EOGT: variants seen among roughly 807,000 people sequenced by gnomAD.
EOGT encodes EGF domain specific O-linked N-acetylglucosamine transferase, also known as EGF domain-specific O-linked N-acetylglucosamine transferase.
Under a neutral mutation model 70.5 loss-of-function variants are expected in EOGT, and 55 were observed. The ratio of observed to expected loss-of-function variants is 0.78; its 90% confidence interval spans 0.63 to 0.98. EOGT has a LOEUF of 0.98. Among genes scored for constraint, EOGT ranks in the 50% least tolerant of loss-of-function variants. The pLI is 0.00. For missense variants in EOGT, 703 were observed against 641.9 expected, an observed-to-expected ratio of 1.10 and a Z score of -1.03; for synonymous variants, 246 against 217.1, an observed-to-expected ratio of 1.13 and a Z score of -1.17.
intron 13 of EOGT, 168 bp from the exon 14 acceptor site, chr3:68,987,681 T>C (rs1281653796): frequency 3.3e-6 from 2 of 614,708 alleles, no homozygotes; most frequent in East Asian, 2.8e-5. Context: ...GGAATAAAAA[T>C]GTATCCACTT....
At chr3:69,009,563 G>C in intron 4 of EOGT, 74 bp downstream of exon 4, 1 of 1,184,908 alleles carries the variant, frequency 8.4e-7, no homozygotes, top group Non-Finnish European at 1.2e-6. Context: ...TCAGTTTCAG[G>C]TTATAAAGCA....
At chr3:68,978,236 G>A in intron 17 of EOGT, 97 bp downstream of exon 17, 2 of 862,896 alleles carry the variant, frequency 2.3e-6, no homozygotes, top group Non-Finnish European at 3.8e-6. Flanking sequence ...GTTTATCTTT[G>A]CAGCACTGAA....
chr3:68,995,276 G>A (rs1464196647), intron 10 of EOGT, among the ~76,000 whole-genome samples: 2 of 152,182 alleles, frequency 1.3e-5, no homozygotes, highest in African/African-American at 2.4e-5. Flanking sequence ...CTTACTTAGC[G>A]CCATCCCCAT....
chr3:68,977,391 TAA>T lies in EOGT; in HGVS notation c.*225_*226del, dbSNP rs1223724773. 2 of 453,486 alleles carry T rather than the reference TAA, an allele frequency of 4.4e-6. No homozygotes were observed. Among genetic ancestry groups the T allele is most frequent in the Admixed American group, 4.4e-5 (1 of 22,526 alleles). 28.1% of individuals were successfully genotyped at this position (453,486 alleles called of 1,614,324 possible). ...GAGTCCATGCTTAATTTTTGAACTATAAAAAGTTTTCAGTGCAAAATTATTGC... is the reference window on the plus strand; with the variant it reads ...GAGTCCATGCTTAATTTTTGAACTATAAAGTTTTCAGTGCAAAATTATTGC... On this transcript the variant is annotated 3_prime_UTR_variant, in exon 18 of 18. Transcript: ENST00000383701.
chr3:69,012,099 G>T (rs1286643689), intron 2 of EOGT, 108 bp from the exon 3 acceptor site: 1 of 152,212 alleles, frequency 6.6e-6, no homozygotes, highest in Admixed American at 6.5e-5. Context: ...AATGTAACGT[G>T]ATAACTCTCA....
intron 6 of EOGT, among the ~76,000 whole-genome samples, chr3:69,006,425 T>C (rs2091442101): frequency 1.3e-5 from 2 of 152,196 alleles, no homozygotes; most frequent in Non-Finnish European, 2.9e-5. Flanking sequence ...AAAATTTTTT[T>C]AGTTCTCCAG....
At chr3:68,982,425 CAGG>C (rs2090673803) in intron 15 of EOGT, among the ~76,000 whole-genome samples, 1 of 152,120 alleles carries the variant, frequency 6.6e-6, no homozygotes, top group South Asian at 2.1e-4. Context: ...GAGGCAGAGG[CAGG>C]AGAATTACTT....
Position 69,009,759 on chromosome 3 carries a change from G to T in EOGT, c.88C>A (p.Pro30Thr). The T allele has an allele frequency of 1.2e-6, 2 of 1,614,048 alleles. No homozygotes were observed. The highest frequency in any genetic ancestry group is 2.2e-5 in the South Asian group (2 of 91,074). Residue 30 changes from proline to threonine, a missense_variant, in exon 4 of 18, where the codon CCA (proline) becomes ACA (threonine). Transcript: ENST00000383701. ...GCATAGTTATACAGAGGTTCGCCTG[G>T]AATGCTGTGAGTATTAGGAGGAGCT... ...NEAPPNTHSI[P>T]GEPLYNYASI...
At chr3:68,991,263 T>G (rs549102820) in intron 10 of EOGT, among the ~76,000 whole-genome samples, 1 of 152,328 alleles carries the variant, frequency 6.6e-6, no homozygotes, top group African/African-American at 2.4e-5. Flanking sequence ...AATATTTGGA[T>G]AGTCTTCAAG....
At chr3:68,991,007 T>C (rs949246745) in intron 10 of EOGT, among the ~76,000 whole-genome samples, 1 of 151,746 alleles carries the variant, frequency 6.6e-6, no homozygotes. Context: ...GGCTCAATAA[T>C]AAATAAAGGG....
At chr3:68,979,862 C>T (rs2090586735) in intron 15 of EOGT, 75 bp from the exon 16 acceptor site, 1 of 1,424,150 alleles carries the variant, frequency 7.0e-7, no homozygotes, top group Non-Finnish European at 9.6e-7. Context: ...TCATGATTCA[C>T]AGTAAGGATA....
At chr3:69,010,366 A>G (rs1454975324) in intron 3 of EOGT, among the ~76,000 whole-genome samples, 1 of 152,258 alleles carries the variant, frequency 6.6e-6, no homozygotes, top group Non-Finnish European at 1.5e-5. Context: ...TTTAACTTAC[A>G]AAAATTATGG....
intron 13 of EOGT, chr3:68,987,905 A>C (rs2090862348): frequency 3.0e-6 from 1 of 334,042 alleles, no homozygotes. Flanking sequence ...AGATGACTCC[A>C]GGTCAGAAAA....
chr3:69,010,198 G>C (rs1295442923), intron 3 of EOGT, among the ~76,000 whole-genome samples: 3 of 152,144 alleles, frequency 2.0e-5, no homozygotes, highest in Non-Finnish European at 2.9e-5. Context: ...AAACCAACTA[G>C]GGGCCAGCAA....
chr3:69,005,771 A>T (rs2091424720), intron 6 of EOGT, among the ~76,000 whole-genome samples: 1 of 152,230 alleles, frequency 6.6e-6, no homozygotes, highest in South Asian at 2.1e-4. Flanking sequence ...AAAGGAGTCG[A>T]AGAGTCAGCT....
At chr3:68,984,390 A>G (rs557571087) in intron 14 of EOGT, among the ~76,000 whole-genome samples, 1 of 152,186 alleles carries the variant, frequency 6.6e-6, no homozygotes, top group Admixed American at 6.5e-5. Flanking sequence ...TTGCCCACAT[A>G]AAAGGAATCA....
At chr3:68,993,392 C>G (rs1559599576) in intron 10 of EOGT, among the ~76,000 whole-genome samples, 1 of 152,198 alleles carries the variant, frequency 6.6e-6, no homozygotes, top group Non-Finnish European at 1.5e-5. Flanking sequence ...CTGCCACTCT[C>G]TTTGCTAAAA....
chr3:68,986,257 C>T (rs565017514), intron 14 of EOGT, among the ~76,000 whole-genome samples: 1 of 152,258 alleles, frequency 6.6e-6, no homozygotes, highest in African/African-American at 2.4e-5. Context: ...ACCTTAATTC[C>T]ATCTGCAACC....
Position 68,982,872 on chromosome 3 carries a change from G to A in EOGT, c.1153C>T (p.Leu385Phe). The A allele has an allele frequency of 6.3e-7, 1 of 1,597,534 alleles. No homozygotes were observed. The highest frequency in any genetic ancestry group is 8.5e-7 in the Non-Finnish European group (1 of 1,172,008). ...EYRKILNQNE[L>F]VNALKTVSTF... ...GATACTGTTTTCAGTGCATTTACAA[G>A]CTGGGAAAAAAAGAGAAACATTTAG... Residue 385 changes from leucine (L) to phenylalanine (F), a missense_variant and splice_region_variant, in exon 15 of 18, where the codon CTT becomes TTT. Physicochemically the swap from Leu to Phe is conservative, Grantham distance 22. Coordinates refer to ENST00000383701, the MANE Select transcript of EOGT (RefSeq NM_001278689.2).
Sources: allele counts gnomAD v4.1 joint callset (sites outside exome capture counted in the v4.1 genomes callset), GRCh38; gene constraint gnomAD v4.1.1; transcripts MANE v1.5; gene names NCBI Gene and HGNC (gene_info 2026-07-23, HGNC 2026-07-21).